The following KLF13 variants were observed in gnomAD, a reference collection of about 807,000 sequenced individuals.
The protein encoded by KLF13 is Krueppel-like factor 13.
In KLF13, 8 loss-of-function variants were observed where a neutral mutation model predicts 16.7. The ratio of observed to expected loss-of-function variants is 0.48; its 90% confidence interval spans 0.28 to 0.87. KLF13 has a LOEUF of 0.87. KLF13 is among the 40% of genes least tolerant of loss of function. KLF13 has a pLI of 0.10. For synonymous variants in KLF13, 245 were observed against 208.4 expected (o/e 1.18, Z -1.51); for missense variants, 447 against 452.2 (o/e 0.99, Z 0.10).
chr15:31,403,106 G>C (rs967755189), intron 2 of KLF13, among the ~76,000 whole-genome samples: 3 of 152,208 alleles, frequency 2.0e-5, no homozygotes, highest in Non-Finnish European at 2.9e-5. Context: ...AGTTCCAACT[G>C]TCAGTCTATC....
At chr15:31,392,183 C>T (rs1360021337), upstream of KLF13, among the ~76,000 whole-genome samples, 3 of 152,218 alleles carry the variant, frequency 2.0e-5, no homozygotes, top group Admixed American at 1.3e-4. Flanking sequence ...CACTGCGATT[C>T]CCCCAGCCCA....
Position 31,400,309 on chromosome 15 carries a change from T to C in KLF13, n.530-3119T>C, listed in dbSNP as rs191532799. ...TTAACTGGGGAGAGGCAAGAAACCA[T>C]CCTCAGCATTGTGTCAGATGGCAAC... is the stretch of plus-strand genomic sequence containing the variant. On this transcript the variant is annotated intron_variant and non_coding_transcript_variant, in intron 2 of 2. Transcript: ENST00000500533. Among the ~76,000 whole-genome samples the C allele has an allele frequency of 7.9e-5, 12 of 152,234 alleles. No homozygotes were observed. The East Asian group carries it at 2.1e-3, about 27-fold the overall frequency.
intron 1 of KLF13, among the ~76,000 whole-genome samples, chr15:31,425,300 A>G (rs2040387536): frequency 1.3e-5 from 2 of 152,234 alleles, no homozygotes; most frequent in Non-Finnish European, 2.9e-5. Context: ...TGTATATGGA[A>G]TCCTAAAGAA....
chr15:31,385,758 C>T (rs948522051), intron 1 of KLF13, among the ~76,000 whole-genome samples: 18 of 152,252 alleles, frequency 1.2e-4, no homozygotes, highest in African/African-American at 4.1e-4. Context: ...GACACAATAT[C>T]GAAATTAGGC....
chr15:31,345,750 G>A (rs2039104645), intron 1 of KLF13, among the ~76,000 whole-genome samples: 1 of 152,190 alleles, frequency 6.6e-6, no homozygotes, highest in African/African-American at 2.4e-5. Flanking sequence ...CCAGGGCTTA[G>A]TGTGCTTAGT....
intron 1 of KLF13, among the ~76,000 whole-genome samples, chr15:31,422,278 G>C (rs976968221): frequency 1.3e-5 from 2 of 152,168 alleles, no homozygotes; most frequent in Non-Finnish European, 1.5e-5. Flanking sequence ...CCAAGACTGG[G>C]TAATTTATAA....
intron 1 of KLF13, among the ~76,000 whole-genome samples, chr15:31,331,555 G>T (rs535140047): frequency 1.3e-5 from 2 of 152,302 alleles, no homozygotes; most frequent in Non-Finnish European, 1.5e-5. Flanking sequence ...GAGGGCATCT[G>T]GCAGAGCAGA....
chr15:31,413,802 C>G (rs1277623983), intron 1 of KLF13, among the ~76,000 whole-genome samples: 1 of 152,108 alleles, frequency 6.6e-6, no homozygotes, highest in Non-Finnish European at 1.5e-5. Context: ...TCCACAGAAA[C>G]AAAGAGTATC....
chr15:31,389,457 A>G (rs981647848), upstream of KLF13, among the ~76,000 whole-genome samples: 16 of 152,212 alleles, frequency 1.1e-4, 1 homozygote, highest in Admixed American at 8.5e-4. Flanking sequence ...TCAAGCATCA[A>G]CTGTAATTAC....
chr15:31,415,229 C>A (rs1392046156), intron 1 of KLF13, among the ~76,000 whole-genome samples: 1 of 152,142 alleles, frequency 6.6e-6, no homozygotes. Context: ...CCTGCAGAAC[C>A]ATGAGCTAAA....
At chr15:31,391,696 TGGGGGCTCTGTAGGGGGGCTGTGG>T (rs1056656054), upstream of KLF13, among the ~76,000 whole-genome samples, 2 of 129,166 alleles carry the variant, frequency 1.5e-5, no homozygotes, top group African/African-American at 5.8e-5. Flanking sequence ...GGGGGCTGTG[TGGGGGCTCTGTAGGGGGGCTGTGG>T]GGGGCTGTGT....
At chr15:31,423,146 T>TATATATACGTATATATATAC (rs1555383345) in intron 1 of KLF13, among the ~76,000 whole-genome samples, 2 of 102,018 alleles carry the variant, frequency 2.0e-5, no homozygotes, top group African/African-American at 1.3e-4. Context: ...TACGTATACG[T>TATATATACGTATATATATAC]ATATATACGT....
At chr15:31,409,996 CTTAATT>C (rs1466700439) in intron 1 of KLF13, among the ~76,000 whole-genome samples, 1 of 152,068 alleles carries the variant, frequency 6.6e-6, no homozygotes, top group Non-Finnish European at 1.5e-5. Context: ...TAAAAATTTT[CTTAATT>C]TTAATTGCTC....
chr15:31,428,975 G>A (rs546353943), intron 1 of KLF13, among the ~76,000 whole-genome samples: 1 of 152,236 alleles, frequency 6.6e-6, no homozygotes, highest in African/African-American at 2.4e-5. Context: ...ACAATGTGTA[G>A]TTGGCAAGAT....
At position 31,426,380 on chromosome 15, in the gene KLF13, C is replaced by T. The variant is rs1429469532; in HGVS notation, n.118-8990C>T. ...CCTAGAAGAAAACACAGAGGGAAAG[C>T]CTCCTGACATTGGACTTGGCAATAC... On this transcript the variant is annotated intron_variant and non_coding_transcript_variant, in intron 1 of 1. Coordinates refer to the KLF13 transcript ENST00000558225. Among the ~76,000 whole-genome samples, 5 of 152,170 alleles carry T rather than the reference C, an allele frequency of 3.3e-5. No homozygotes were observed. In the South Asian group the frequency reaches 1.0e-3, roughly 32 times the overall value.
upstream of KLF13, among the ~76,000 whole-genome samples, chr15:31,391,806 G>GGGGAGGCGGAGCCCGGC (rs2039875038): frequency 6.6e-6 from 1 of 152,136 alleles, no homozygotes; most frequent in Non-Finnish European, 1.5e-5. Context: ...AGTTGGGTTG[G>GGGGAGGCGGAGCCCGGC]GGGAGGCGGA....
chr15:31,327,042 G>T lies in KLF13; in HGVS notation c.-171G>T. 4 of 477,876 alleles carry T rather than the reference G, an allele frequency of 8.4e-6. No individual in the cohort carries two copies. The highest frequency in any genetic ancestry group is 1.1e-5 in the Non-Finnish European group (4 of 351,180). The allele number at this position is 477,876 out of a possible 1,614,324, so 29.6% of individuals were successfully genotyped here. On this transcript the variant is annotated 5_prime_UTR_variant, in exon 1 of 2. Transcript: ENST00000307145. ...GGCCGGGCCGGCGCCTCGCAGACGC[G>T]GAGCCGCGCGGGTGACGGCACAGGC...
chr15:31,410,582 A>AACACAC lies in KLF13; in HGVS notation n.117+16930_117+16935dup, dbSNP rs71110871. Among the ~76,000 whole-genome samples, 1,294 of 146,892 alleles carry AACACAC rather than the reference A, an allele frequency of 8.8e-3. 25 individuals are homozygous for AACACAC. Among genetic ancestry groups the AACACAC allele is most frequent in the African/African-American group, 0.031 (1,220 of 38,938 alleles). Reference sequence around the variant, plus strand: ...ACCATGCAGACAGTAAACACCAACCAACACACACACACACACACACACACA... The same window carrying AACACAC: ...ACCATGCAGACAGTAAACACCAACCAACACACACACACACACACACACACACACACA... On this transcript the variant is annotated intron_variant and non_coding_transcript_variant, in intron 1 of 1. Transcript: ENST00000558225.
chr15:31,365,116 G>A (rs2039445252), intron 1 of KLF13, among the ~76,000 whole-genome samples: 1 of 152,208 alleles, frequency 6.6e-6, no homozygotes, highest in Admixed American at 6.5e-5. Flanking sequence ...CCACAGGGCA[G>A]AGCTGTCCAT....
Sources: allele counts gnomAD v4.1 joint callset (sites outside exome capture counted in the v4.1 genomes callset), GRCh38; gene constraint gnomAD v4.1.1; transcripts MANE v1.5; gene names NCBI Gene and HGNC (gene_info 2026-07-23, HGNC 2026-07-21).